The following MBTD1 variants were observed in gnomAD, a reference collection of about 807,000 sequenced individuals.
The protein encoded by MBTD1 is mbt domain containing 1.
MBTD1 carries 24 observed loss-of-function variants against 87.8 expected under a neutral mutation model. The observed-to-expected ratio is 0.27, with a 90% CI of 0.20 to 0.38. MBTD1 has a LOEUF of 0.38. Ranked by LOEUF, MBTD1 falls within the 10% of genes least tolerant of loss-of-function variation. The probability of loss-of-function intolerance (pLI) is 1.00; values close to 1 mark genes in which losing one functional copy is unlikely to be tolerated. For synonymous variants in MBTD1, 237 were observed against 248.6 expected (o/e 0.95, Z 0.44); for missense variants, 436 against 760.2 (o/e 0.57, Z 5.02).
intron 2 of MBTD1, among the ~76,000 whole-genome samples, chr17:51,255,569 A>G (rs1169892795): frequency 6.6e-6 from 1 of 152,014 alleles, no homozygotes; most frequent in Non-Finnish European, 1.5e-5. Flanking sequence ...GAAGTCTTAA[A>G]GTAATAGATG....
At chr17:51,182,350 C>T (rs2050351130) in intron 16 of MBTD1, among the ~76,000 whole-genome samples, 1 of 152,018 alleles carries the variant, frequency 6.6e-6, no homozygotes, top group African/African-American at 2.4e-5. Context: ...TGGTCTTGAA[C>T]TCCTAGCCTC....
intron 2 of MBTD1, among the ~76,000 whole-genome samples, chr17:51,257,734 T>A (rs2055175302): frequency 6.6e-6 from 1 of 152,204 alleles, no homozygotes; most frequent in Admixed American, 6.5e-5. Flanking sequence ...AACTCCTTAT[T>A]AATTAAAATG....
intron 16 of MBTD1, among the ~76,000 whole-genome samples, chr17:51,182,125 ATTT>A (rs35397252): frequency 1.4e-4 from 19 of 134,664 alleles, no homozygotes; most frequent in Admixed American, 3.0e-4. Context: ...GGCCCTGTGC[ATTT>A]TTTTTTTTTT....
chr17:51,247,384 TA>T (rs1325225199), intron 2 of MBTD1, among the ~76,000 whole-genome samples: 2 of 152,078 alleles, frequency 1.3e-5, no homozygotes, highest in Non-Finnish European at 2.9e-5. Context: ...CTGTATGTGA[TA>T]ACTCTGTAAT....
At chr17:51,208,318 A>G (rs1344947918) in intron 6 of MBTD1, among the ~76,000 whole-genome samples, 1 of 152,226 alleles carries the variant, frequency 6.6e-6, no homozygotes, top group African/African-American at 2.4e-5. Context: ...GGACAAGCTC[A>G]ACTATTTGCG....
At chr17:51,241,928 G>C (rs2054183866) in intron 2 of MBTD1, among the ~76,000 whole-genome samples, 1 of 152,160 alleles carries the variant, frequency 6.6e-6, no homozygotes, top group South Asian at 2.1e-4. Flanking sequence ...TACTGTCCCA[G>C]AGTAGGCCAG....
chr17:51,242,366 C>G (rs940568787), intron 2 of MBTD1, among the ~76,000 whole-genome samples: 1 of 152,210 alleles, frequency 6.6e-6, no homozygotes, highest in Non-Finnish European at 1.5e-5. Flanking sequence ...TTAACAAAAC[C>G]TATCTACTCA....
chr17:51,200,360 G>A (rs983184185), intron 12 of MBTD1, among the ~76,000 whole-genome samples: 1 of 151,770 alleles, frequency 6.6e-6, no homozygotes, highest in South Asian at 2.1e-4. Flanking sequence ...TCAGGAGTTC[G>A]AGACTATCCT....
chr17:51,182,158 T>C (rs1186560985), intron 16 of MBTD1, among the ~76,000 whole-genome samples: 1 of 146,728 alleles, frequency 6.8e-6, no homozygotes, highest in Non-Finnish European at 1.5e-5. Context: ...ATAGTCTCAC[T>C]CCATCACCCA....
intron 6 of MBTD1, chr17:51,209,195 C>T (rs1470884479): frequency 5.7e-6 from 2 of 350,000 alleles, no homozygotes; most frequent in East Asian, 1.5e-4. Flanking sequence ...CAGGGCTTGA[C>T]AGCCATCTTC....
At chr17:51,246,718 C>T (rs2054457255) in intron 2 of MBTD1, among the ~76,000 whole-genome samples, 2 of 152,154 alleles carry the variant, frequency 1.3e-5, no homozygotes, top group Non-Finnish European at 2.9e-5. Context: ...TCACTGCAAC[C>T]TCCGCCTCCA....
intron 2 of MBTD1, among the ~76,000 whole-genome samples, chr17:51,254,306 G>C (rs910814820): frequency 2.0e-5 from 3 of 152,168 alleles, no homozygotes; most frequent in African/African-American, 7.2e-5. Context: ...TCAGTGTAAA[G>C]AGAAATGCCT....
intron 4 of MBTD1, among the ~76,000 whole-genome samples, chr17:51,219,456 A>C (rs897427111): frequency 6.6e-6 from 1 of 152,222 alleles, no homozygotes; most frequent in Non-Finnish European, 1.5e-5. Flanking sequence ...CAAGTGACTG[A>C]GGTTTATACC....
intron 12 of MBTD1, among the ~76,000 whole-genome samples, chr17:51,198,534 T>C (rs1457502873): frequency 1.3e-5 from 2 of 152,224 alleles, no homozygotes; most frequent in Non-Finnish European, 2.9e-5. Context: ...CCTTTCTTCA[T>C]TCTTCTAAAT....
chr17:51,197,988 A>G (rs1165428952), intron 12 of MBTD1, among the ~76,000 whole-genome samples: 4 of 152,128 alleles, frequency 2.6e-5, no homozygotes, highest in African/African-American at 9.7e-5. Flanking sequence ...CCCCAGTGCT[A>G]CAATGATGAG....
At position 51,193,408 on chromosome 17, in the gene MBTD1, A is replaced by G. The variant is rs758998519; in HGVS notation, c.1455+20T>C. ...GGCATTAATAAGTCCTCACATAATT[A>G]TGCTGCCATTTAAATTTACCTTATT... On this transcript the variant is annotated intron_variant, in intron 14 of 16. Coordinates refer to ENST00000586178, the MANE Select transcript of MBTD1 (RefSeq NM_017643.3). The G allele has an allele frequency of 1.3e-6, 2 of 1,554,220 alleles. No homozygotes were observed. Among genetic ancestry groups the G allele is most frequent in the Non-Finnish European group, 1.8e-6 (2 of 1,129,138 alleles).
At chr17:51,210,284 C>T (rs1433985718) in intron 6 of MBTD1, among the ~76,000 whole-genome samples, 1 of 152,112 alleles carries the variant, frequency 6.6e-6, no homozygotes, top group Admixed American at 6.5e-5. Flanking sequence ...AGCCACTGTG[C>T]CTGTCCTCTA....
intron 2 of MBTD1, among the ~76,000 whole-genome samples, chr17:51,257,207 CTGA>C (rs568665455): frequency 3.5e-4 from 53 of 152,180 alleles, no homozygotes; most frequent in African/African-American, 1.2e-3. Flanking sequence ...TTTTATTGTC[CTGA>C]TGTTTTTATT....
intron 16 of MBTD1, among the ~76,000 whole-genome samples, chr17:51,181,042 A>C (rs1056266987): frequency 1.0e-4 from 10 of 99,226 alleles, no homozygotes; most frequent in African/African-American, 3.3e-4. Context: ...TTTTTTTTTG[A>C]GATGGAGTCT....
Sources: allele counts gnomAD v4.1 joint callset (sites outside exome capture counted in the v4.1 genomes callset), GRCh38; gene constraint gnomAD v4.1.1; transcripts MANE v1.5; gene names NCBI Gene and HGNC (gene_info 2026-07-23, HGNC 2026-07-21).